MAN1C1: variants seen among roughly 807,000 people sequenced by gnomAD.
MAN1C1 encodes the protein mannosidase alpha class 1C member 1.
In MAN1C1, 49 loss-of-function variants were observed where a neutral mutation model predicts 71.5. The observed-to-expected ratio is 0.69, with a 90% CI of 0.54 to 0.87. The LOEUF is 0.87. MAN1C1 is among the 40% of genes least tolerant of loss of function. The pLI is 0.00. For synonymous variants in MAN1C1, 352 were observed against 343.7 expected (o/e 1.02, Z -0.27); for missense variants, 743 against 835.0 (o/e 0.89, Z 1.36).
intron 1 of MAN1C1, among the ~76,000 whole-genome samples, chr1:25,661,027 T>C (rs2045839369): frequency 6.6e-6 from 1 of 152,088 alleles, no homozygotes; most frequent in Non-Finnish European, 1.5e-5. Context: ...ATTCAAAACT[T>C]ACCATCCAAT....
At chr1:25,712,299 G>A (rs111811035) in intron 2 of MAN1C1, among the ~76,000 whole-genome samples, 1,550 of 152,278 alleles carry the variant, frequency 0.01, 15 homozygotes, top group African/African-American at 0.034. Context: ...ACATACTAAC[G>A]TGCCCGTTAG....
chr1:25,657,662 A>G (rs528991477), intron 1 of MAN1C1, among the ~76,000 whole-genome samples: 2 of 152,274 alleles, frequency 1.3e-5, no homozygotes, highest in Non-Finnish European at 2.9e-5. Flanking sequence ...CCCTTTGACA[A>G]ACACACAAAA....
At chr1:25,618,478 C>T in intron 1 of MAN1C1, 141 bp downstream of exon 1, 1 of 772,646 alleles carries the variant, frequency 1.3e-6, no homozygotes, top group Non-Finnish European at 2.0e-6. Flanking sequence ...GCACTTTGCA[C>T]CTTCCCCTTT....
chr1:25,675,533 G>A (rs2046052206), intron 1 of MAN1C1, among the ~76,000 whole-genome samples: 1 of 141,300 alleles, frequency 7.1e-6, no homozygotes, highest in Non-Finnish European at 1.5e-5. Context: ...TGCAAATTGT[G>A]CTGCTATAAA....
At chr1:25,727,238 T>C (rs1416658542) in intron 2 of MAN1C1, among the ~76,000 whole-genome samples, 1 of 152,078 alleles carries the variant, frequency 6.6e-6, no homozygotes, top group Non-Finnish European at 1.5e-5. Context: ...ACAACACTGC[T>C]CAGGGTGGGG....
chr1:25,699,695 C>A (rs1451873177), intron 2 of MAN1C1, among the ~76,000 whole-genome samples: 1 of 152,206 alleles, frequency 6.6e-6, no homozygotes, highest in Non-Finnish European at 1.5e-5. Flanking sequence ...GATTGGGCCA[C>A]TACTGGGTGT....
intron 1 of MAN1C1, among the ~76,000 whole-genome samples, chr1:25,670,642 G>C (rs1261519711): frequency 6.6e-6 from 1 of 152,230 alleles, no homozygotes; most frequent in Non-Finnish European, 1.5e-5. Flanking sequence ...TCTATGTCGT[G>C]TTGGTTCATT....
At chr1:25,694,948 G>C (rs1000669652) in intron 2 of MAN1C1, among the ~76,000 whole-genome samples, 5 of 152,108 alleles carry the variant, frequency 3.3e-5, no homozygotes, top group African/African-American at 1.2e-4. Flanking sequence ...GTGAAATGGG[G>C]GGTTAGCACA....
At chr1:25,659,346 C>G (rs3767899) in intron 1 of MAN1C1, among the ~76,000 whole-genome samples, 25,419 of 152,130 alleles carry the variant, frequency 0.17, 5,281 homozygotes, top group African/African-American at 0.48. Flanking sequence ...TGGATGACCT[C>G]CAGGGAGCTG....
intron 5 of MAN1C1, among the ~76,000 whole-genome samples, chr1:25,755,222 A>C (rs2047270648): frequency 6.6e-6 from 1 of 152,198 alleles, no homozygotes; most frequent in African/African-American, 2.4e-5. Context: ...GTGTCTGCAC[A>C]GACCGGCCTG....
chr1:25,642,456 A>G (rs1194464434), intron 1 of MAN1C1, among the ~76,000 whole-genome samples: 2 of 152,232 alleles, frequency 1.3e-5, no homozygotes, highest in East Asian at 3.8e-4. Flanking sequence ...TGGGTTGATC[A>G]GATCAAATCT....
intron 1 of MAN1C1, among the ~76,000 whole-genome samples, chr1:25,684,614 C>T (rs1430971288): frequency 1.3e-5 from 2 of 152,252 alleles, no homozygotes; most frequent in Non-Finnish European, 1.5e-5. Flanking sequence ...TCAGGTCTTC[C>T]TGCCCACCTG....
At position 25,618,033 on chromosome 1, in the gene MAN1C1, A is replaced by C; in HGVS notation, c.236A>C (p.Glu79Ala). The C allele has an allele frequency of 6.3e-7, 1 of 1,590,264 alleles. No individual in the cohort carries two copies. The highest frequency in any genetic ancestry group is 8.5e-7 in the Non-Finnish European group (1 of 1,171,914). ...IAGHAPAREQEPPPNPAPAAP... is the reference protein window; with the variant it reads ...IAGHAPAREQAPPPNPAPAAP... ...GGCCATGCCCCGGCCCGCGAGCAGG[A>C]GCCGCCTCCCAACCCGGCCCCCGCC... The change falls in exon 1 of 12, where the codon GAG (glutamate) becomes GCG (alanine). Residue 79 changes from glutamate to alanine, a missense_variant. Glu to Ala is a moderately radical substitution (Grantham distance 107). Transcript: ENST00000374332.
intron 2 of MAN1C1, among the ~76,000 whole-genome samples, chr1:25,720,420 A>G (rs963685255): frequency 6.6e-6 from 1 of 152,170 alleles, no homozygotes; most frequent in Non-Finnish European, 1.5e-5. Flanking sequence ...CACGTTGGCC[A>G]GGCTGGTCTT....
intron 5 of MAN1C1, among the ~76,000 whole-genome samples, chr1:25,758,166 T>C (rs562014264): frequency 2.6e-5 from 4 of 152,328 alleles, no homozygotes; most frequent in Admixed American, 1.3e-4. Flanking sequence ...GCACTGTTTA[T>C]CCTCCACATG....
intron 2 of MAN1C1, among the ~76,000 whole-genome samples, chr1:25,742,466 T>C (rs1198374363): frequency 6.6e-6 from 1 of 152,162 alleles, no homozygotes; most frequent in African/African-American, 2.4e-5. Flanking sequence ...CAAGCTGCAA[T>C]CTCACGCTCA....
chr1:25,765,159 C>T (rs1452127332), intron 7 of MAN1C1, among the ~76,000 whole-genome samples: 1 of 152,220 alleles, frequency 6.6e-6, no homozygotes, highest in Non-Finnish European at 1.5e-5. Flanking sequence ...AGCCAGATAA[C>T]AGCCAGTCAC....
At chr1:25,689,500 G>C (rs756041075) in intron 2 of MAN1C1, among the ~76,000 whole-genome samples, 1 of 152,126 alleles carries the variant, frequency 6.6e-6, no homozygotes, top group African/African-American at 2.4e-5. Context: ...CACCACAAAT[G>C]GGTCATAGGA....
rs2046822039 is a variant in MAN1C1, at chr1:25,725,635, A to T, written c.638-21033A>T. 6.6e-6 allele frequency among the ~76,000 whole-genome samples: 1 copy of T among 152,218 alleles called. No homozygotes were observed. The highest frequency in any genetic ancestry group is 1.5e-5 in the Non-Finnish European group (1 of 68,044). ...TTGGGTTATCCTAGCTCCTCCTAGA[A>T]TAAAGTGTCCTTGGGCCATCCCACC... On this transcript the variant is annotated intron_variant, in intron 2 of 11. Coordinates refer to ENST00000374332, the MANE Select transcript of MAN1C1 (RefSeq NM_020379.4). The surrounding 1 kb of genome is among the most constrained non-coding windows in gnomAD (Gnocchi z 4.8).
Sources: allele counts gnomAD v4.1 joint callset (sites outside exome capture counted in the v4.1 genomes callset), GRCh38; gene constraint gnomAD v4.1.1; non-coding constraint Gnocchi (gnomAD v3.1); transcripts MANE v1.5; gene names NCBI Gene and HGNC (gene_info 2026-07-23, HGNC 2026-07-21).